The following EPHA6 variants were observed in gnomAD, a reference collection of about 807,000 sequenced individuals.
The protein encoded by EPHA6 is EPH receptor A6.
Under a neutral mutation model 112.0 loss-of-function variants are expected in EPHA6, and 50 were observed. That is an observed-to-expected ratio of 0.45 (90% CI 0.36 to 0.56). EPHA6 has a LOEUF of 0.56. EPHA6 is among the 20% of genes least tolerant of loss of function. The pLI, the probability that EPHA6 is intolerant of heterozygous loss-of-function variation, is 0.00. For missense variants in EPHA6, 1,280 were observed against 1,417.4 expected (o/e 0.90, Z 1.56); for synonymous variants, 529 against 490.7 (o/e 1.08, Z -1.03).
intron 11 of EPHA6, among the ~76,000 whole-genome samples, chr3:97,553,122 A>C (rs1243349100): frequency 1.3e-5 from 2 of 152,078 alleles, no homozygotes; most frequent in Non-Finnish European, 2.9e-5. Flanking sequence ...GTTTTGCAAA[A>C]TTCTTAGGAA....
chr3:97,170,508 G>A (rs2076668983), intron 3 of EPHA6, among the ~76,000 whole-genome samples: 3 of 152,062 alleles, frequency 2.0e-5, no homozygotes, highest in African/African-American at 7.2e-5. Context: ...AGGCCGAGGT[G>A]GACAGACCAC....
chr3:96,928,162 G>T (rs887686071), intron 2 of EPHA6, among the ~76,000 whole-genome samples: 1 of 152,198 alleles, frequency 6.6e-6, no homozygotes, highest in Non-Finnish European at 1.5e-5. Flanking sequence ...TGAGATTTGT[G>T]TGGGGACACA....
Position 97,236,836 on chromosome 3 carries a change from A to G in EPHA6, c.1271-7116A>G, listed in dbSNP as rs78483225. On this transcript the variant is annotated intron_variant, in intron 4 of 17. Coordinates refer to ENST00000389672, the MANE Select transcript of EPHA6 (RefSeq NM_001080448.3). ...TCTCACTCTTACTCTGCGTAGAGCA[A>G]ATGGTGGTTGAGATGTAGTTGGAGA... 8.3e-3 allele frequency among the ~76,000 whole-genome samples: 1,269 copies of G among 152,104 alleles called. 23 individuals are homozygous for G. Among genetic ancestry groups the G allele is most frequent in the African/African-American group, 0.029 (1,215 of 41,512 alleles).
chr3:97,000,048 A>G (rs1383776471), intron 3 of EPHA6, among the ~76,000 whole-genome samples: 1 of 151,884 alleles, frequency 6.6e-6, no homozygotes, highest in Non-Finnish European at 1.5e-5. Flanking sequence ...TGTGTCAAGT[A>G]GCAACCAAGA....
chr3:97,475,584 T>C (rs1003068739), intron 8 of EPHA6, 124 bp downstream of exon 8: 3 of 606,542 alleles, frequency 4.9e-6, no homozygotes, highest in Non-Finnish European at 5.7e-6. Flanking sequence ...CCCATAAGAA[T>C]CCACTCTGAC....
intron 5 of EPHA6, among the ~76,000 whole-genome samples, chr3:97,376,720 A>T (rs2085384315): frequency 6.6e-6 from 1 of 152,184 alleles, no homozygotes; most frequent in East Asian, 1.9e-4. Flanking sequence ...TATTTTCTAC[A>T]TTCATTGAGG....
intron 5 of EPHA6, among the ~76,000 whole-genome samples, chr3:97,281,159 T>C (rs1006053229): frequency 6.6e-6 from 1 of 152,056 alleles, no homozygotes. Flanking sequence ...TTACACTTTG[T>C]AAAGCTATGA....
chr3:97,098,153 G>A (rs946459480), intron 3 of EPHA6, among the ~76,000 whole-genome samples: 50 of 151,780 alleles, frequency 3.3e-4, no homozygotes, highest in African/African-American at 1.1e-3. Flanking sequence ...CTCATTTTGT[G>A]AATAGCAATG....
At chr3:97,128,087 A>G (rs2048232255) in intron 3 of EPHA6, among the ~76,000 whole-genome samples, 3 of 152,182 alleles carry the variant, frequency 2.0e-5, no homozygotes, top group South Asian at 4.2e-4. Context: ...CTCAGCTCCT[A>G]CTTACAAGTG....
intron 11 of EPHA6, among the ~76,000 whole-genome samples, chr3:97,544,862 T>C (rs1276757895): frequency 6.6e-6 from 1 of 152,200 alleles, no homozygotes; most frequent in Non-Finnish European, 1.5e-5. Context: ...CTTCTAGATT[T>C]TCTAGTTTAT....
chr3:97,170,487 A>G (rs1428937438), intron 3 of EPHA6, among the ~76,000 whole-genome samples: 1 of 152,184 alleles, frequency 6.6e-6, no homozygotes, highest in East Asian at 1.9e-4. Context: ...CTGTAATCCC[A>G]GCACTTTGGG....
intron 5 of EPHA6, among the ~76,000 whole-genome samples, chr3:97,333,122 A>T (rs1347480433): frequency 6.6e-6 from 1 of 151,732 alleles, no homozygotes; most frequent in Non-Finnish European, 1.5e-5. Context: ...ATTTATTTAG[A>T]TTTTCTTTGA....
At chr3:97,390,609 C>T (rs1331689422) in intron 5 of EPHA6, among the ~76,000 whole-genome samples, 1 of 151,538 alleles carries the variant, frequency 6.6e-6, no homozygotes, top group Non-Finnish European at 1.5e-5. Context: ...GAGATAAAAA[C>T]ACAAAAATGC....
chr3:96,946,163 A>G (rs1253902857), intron 2 of EPHA6, among the ~76,000 whole-genome samples: 1 of 151,790 alleles, frequency 6.6e-6, no homozygotes, highest in Non-Finnish European at 1.5e-5. Context: ...TCCCTATATG[A>G]TAGCTCATTT....
chr3:97,577,052 T>G (rs1176137915), intron 11 of EPHA6, among the ~76,000 whole-genome samples: 1 of 152,216 alleles, frequency 6.6e-6, no homozygotes, highest in African/African-American at 2.4e-5. Context: ...GATCTCACTG[T>G]GTCTCCCAGG....
chr3:97,329,634 C>G (rs1201612934), intron 5 of EPHA6, among the ~76,000 whole-genome samples: 3 of 152,162 alleles, frequency 2.0e-5, no homozygotes, highest in African/African-American at 7.2e-5. Context: ...AGTGTCTGTT[C>G]ATATCCTTCA....
chr3:97,731,494 C>T (rs945139378), intron 15 of EPHA6, among the ~76,000 whole-genome samples: 4 of 151,960 alleles, frequency 2.6e-5, no homozygotes, highest in East Asian at 1.9e-4. Context: ...TGGGGGAATG[C>T]GTCAAGATGT....
rs929263513 is a variant in EPHA6, at chr3:96,957,033, A to C, written c.451-30297A>C. ...GGGTGACAAGAGTGAAACTTGTCTC[A>C]AAAAAAAAAAAAAAAATCTGAACCA... On this transcript the variant is annotated intron_variant, in intron 2 of 17. Transcript: ENST00000389672. 4.7e-3 allele frequency among the ~76,000 whole-genome samples: 427 copies of C among 90,876 alleles called. 4 individuals carry two copies. The highest frequency in any genetic ancestry group is 0.036 in the African/African-American group (387 of 10,684). 59.6% of individuals were successfully genotyped at this position (90,876 alleles called of 152,430 possible).
chr3:97,445,607 G>C (rs1364922433), intron 6 of EPHA6, among the ~76,000 whole-genome samples: 2 of 151,960 alleles, frequency 1.3e-5, no homozygotes, highest in East Asian at 3.9e-4. Flanking sequence ...AATGAGTTAA[G>C]CATGAAGCAT....
Sources: allele counts gnomAD v4.1 joint callset (sites outside exome capture counted in the v4.1 genomes callset), GRCh38; gene constraint gnomAD v4.1.1; transcripts MANE v1.5; gene names NCBI Gene and HGNC (gene_info 2026-07-23, HGNC 2026-07-21).